Variants in PARP2 observed in about 807,000 individuals in gnomAD.
The protein encoded by PARP2 is poly [ADP-ribose] polymerase 2.
A neutral mutation model predicts 77.8 loss-of-function variants in PARP2; 57 were observed. That is an observed-to-expected ratio of 0.73 (90% CI 0.59 to 0.91). PARP2 has a LOEUF of 0.91. PARP2 is among the 40% of genes least tolerant of loss of function. The pLI is 0.00. For synonymous variants in PARP2, 226 were observed against 242.6 expected, an observed-to-expected ratio of 0.93 and a Z score of 0.64; for missense variants, 651 against 689.0, an observed-to-expected ratio of 0.94 and a Z score of 0.62.
In PARP2 at chr14:20,355,983, C is replaced by A; in HGVS notation, c.1053C>A (p.Asn351Lys). The A allele has an allele frequency of 6.2e-7, 1 of 1,614,040 alleles. No homozygotes were observed. Among genetic ancestry groups the A allele is most frequent in the Non-Finnish European group, 8.5e-7 (1 of 1,179,902 alleles). ...PEHPLDQHYR[N>K]LHCALRPLDH... is the part of the protein sequence containing the mutation. The stretch of plus-strand genomic sequence containing the variant: ...ACCCATTGGACCAACACTATAGAAA[C>A]CTACATTGTGCCTTGCGCCCCCTTG... The change falls in exon 11 of 16, where the codon AAC becomes AAA. Residue 351 changes from asparagine (N) to lysine (K), a missense_variant. Coordinates refer to ENST00000429687, the MANE Select transcript of PARP2 (RefSeq NM_001042618.2).
intron 13 of PARP2, 24 bp from the exon 14 acceptor site, chr14:20,357,027 T>C (rs1372134198): frequency 1.4e-6 from 2 of 1,440,474 alleles, no homozygotes; most frequent in African/African-American, 2.8e-5. Flanking sequence ...GAAGCTGACC[T>C]TGGTATTCAT....
chr14:20,348,794 C>T (rs1056242999), intron 4 of PARP2, among the ~76,000 whole-genome samples: 3 of 151,534 alleles, frequency 2.0e-5, no homozygotes, highest in Non-Finnish European at 4.4e-5. Context: ...CTGAGGCGGG[C>T]GGATCACCTG....
At chr14:20,356,930 G>C (rs1884176048) in intron 13 of PARP2, 121 bp from the exon 14 acceptor site, 1 of 746,542 alleles carries the variant, frequency 1.3e-6, no homozygotes, top group Admixed American at 2.1e-5. Flanking sequence ...GAATTGTGAG[G>C]GGAAATGGAG....
At chr14:20,354,053 T>TAAGA (rs750007829) in intron 7 of PARP2, 32 bp from the exon 8 acceptor site, 1 of 1,557,950 alleles carries the variant, frequency 6.4e-7, no homozygotes, top group South Asian at 1.1e-5. Flanking sequence ...ATTTCTTAGA[T>TAAGA]TGTCTTGTGT....
Position 20,356,321 on chromosome 14 carries a change from C to T in PARP2, c.1116C>T (p.Tyr372=), listed in dbSNP as rs750772298. 8.1e-6 allele frequency: 13 copies of T among 1,613,912 alleles called. No individual in the cohort carries two copies. The South Asian group carries it at 1.4e-4, about 18-fold the overall frequency. ...ATTTTTCACAGGTGATTTCCCAGTA[C>T]CTACAATCTACCCATGCTCCCACAC... The part of the protein sequence containing the change: ...ESYEFKVISQ[Y]LQSTHAPTHS... The change falls in exon 12 of 16, where the codon TAC becomes TAT. Residue 372 remains tyrosine, a synonymous_variant. Transcript: ENST00000429687.
At chr14:20,345,190 A>ACG in intron 2 of PARP2, 103 bp downstream of exon 2, 3 of 1,333,842 alleles carry the variant, frequency 2.2e-6, no homozygotes, top group Non-Finnish European at 3.2e-6. Flanking sequence ...TCTTTCAGGG[A>ACG]ATAATTAATT....
rs1216882570 is a variant in PARP2, at chr14:20,357,644, GAGT to G, written c.1562_1564del (p.Ser521del). ...CTTTTTTTCCATTTGGCAGGAATGG[GAGT>G]ACAGTGCCATTAGGACCAGCAAGTG... is the stretch of plus-strand genomic sequence containing the variant. On this transcript the variant is annotated inframe_deletion, in exon 16 of 16. Transcript: ENST00000429687. 6.2e-7 allele frequency: 1 copy of G among 1,611,984 alleles called. No homozygotes were observed. Among genetic ancestry groups the G allele is most frequent in the Admixed American group, 1.7e-5 (1 of 59,240 alleles).
intron 3 of PARP2, 31 bp downstream of exon 3, chr14:20,345,495 A>G (rs761017653): frequency 9.8e-6 from 15 of 1,531,058 alleles, no homozygotes; most frequent in East Asian, 2.2e-5. Flanking sequence ...TCTTCAGTCC[A>G]TGGATATCTC....
In PARP2 at chr14:20,357,900, G is replaced by T. The variant is rs562971051; in HGVS notation, c.*103G>T. The T allele has an allele frequency of 4.0e-6, 4 of 992,708 alleles. No homozygotes were observed. In the East Asian group the frequency reaches 1.0e-4, roughly 25 times the overall value. 61.5% of individuals were successfully genotyped at this position (992,708 alleles called of 1,614,324 possible). A position where few individuals can be genotyped will look rare whatever the true frequency, so the allele number is the denominator to read the frequency against. ...ATTTTATGTAATAAAAACTGTACAG[G>T]TCTACCACTGGCTTCTTCGGGCTTT... On this transcript the variant is annotated 3_prime_UTR_variant, in exon 16 of 16. Coordinates refer to ENST00000429687, the MANE Select transcript of PARP2 (RefSeq NM_001042618.2).
At chr14:20,347,119 C>T (rs1883755616) in intron 4 of PARP2, among the ~76,000 whole-genome samples, 1 of 150,124 alleles carries the variant, frequency 6.7e-6, no homozygotes, top group African/African-American at 2.5e-5. Flanking sequence ...ACCTCTGCCT[C>T]CCAGGTTCAA....
intron 4 of PARP2, among the ~76,000 whole-genome samples, chr14:20,347,702 C>T (rs888419606): frequency 5.9e-5 from 9 of 151,544 alleles, no homozygotes; most frequent in Non-Finnish European, 1.2e-4. Context: ...TGAGCCACTG[C>T]GCCCGGCAAG....
intron 1 of PARP2, chr14:20,344,369 A>G (rs1395299744): frequency 6.5e-6 from 1 of 153,422 alleles, no homozygotes; most frequent in Non-Finnish European, 1.5e-5. Context: ...TAAAACAGAT[A>G]AGCAGGCCTC....
At chr14:20,355,528 A>G (rs1472637837) in intron 9 of PARP2, 1 of 347,674 alleles carries the variant, frequency 2.9e-6, no homozygotes, top group Non-Finnish European at 5.1e-6. Flanking sequence ...CTCTAGTCTC[A>G]AAAGTCAAAA....
At chr14:20,344,540 G>A (rs987538329) in intron 1 of PARP2, among the ~76,000 whole-genome samples, 1 of 152,170 alleles carries the variant, frequency 6.6e-6, no homozygotes, top group African/African-American at 2.4e-5. Context: ...TTAAACCGGC[G>A]GGGTGAGGTG....
chr14:20,356,326 A>C lies in PARP2; in HGVS notation c.1121A>C (p.Gln374Pro). Residue 374 changes from glutamine (Q) to proline (P), a missense_variant, in exon 12 of 16, where the codon CAA (glutamine) becomes CCA (proline). Physicochemically the swap from Gln to Pro is moderately conservative, Grantham distance 76. Transcript: ENST00000429687. ...YEFKVISQYL[Q>P]STHAPTHSDY... ...TCACAGGTGATTTCCCAGTACCTACAATCTACCCATGCTCCCACACACAGC... is the reference window on the plus strand; with the variant it reads ...TCACAGGTGATTTCCCAGTACCTACCATCTACCCATGCTCCCACACACAGC... 6.2e-7 allele frequency: 1 copy of C among 1,614,100 alleles called. No homozygotes were observed.
At chr14:20,343,891 A>G (rs1321631557) in intron 1 of PARP2, among the ~76,000 whole-genome samples, 1 of 152,220 alleles carries the variant, frequency 6.6e-6, no homozygotes, top group Non-Finnish European at 1.5e-5. Context: ...GCGGAGCTGT[A>G]ACAACTAATG....
At position 20,352,191 on chromosome 14, in the gene PARP2, A is replaced by G. The variant is rs965925032; in HGVS notation, c.498-54A>G. Reference sequence around the variant, plus strand: ...TGGAGATTTTCTGTCTTGTAAGTCCATCTTCATAGTAGACCTTTATTTGTA... The same window carrying G: ...TGGAGATTTTCTGTCTTGTAAGTCCGTCTTCATAGTAGACCTTTATTTGTA... On this transcript the variant is annotated intron_variant, in intron 6 of 15. Transcript: ENST00000429687. 6.4e-6 allele frequency: 6 copies of G among 931,446 alleles called. No homozygotes were observed. In the African/African-American group the frequency reaches 9.9e-5, roughly 15 times the overall value. 57.7% of individuals were successfully genotyped at this position (931,446 alleles called of 1,614,324 possible).
intron 1 of PARP2, 41 bp from the exon 2 acceptor site, chr14:20,344,891 C>A: frequency 8.7e-7 from 1 of 1,155,018 alleles, no homozygotes. Flanking sequence ...TACACGTATT[C>A]GGGTGTGTAC....
At chr14:20,357,180 T>C (rs1031474626) in intron 14 of PARP2, 31 bp downstream of exon 14, 3 of 1,492,776 alleles carry the variant, frequency 2.0e-6, no homozygotes, top group Admixed American at 3.3e-5. Flanking sequence ...TGATCTCTAG[T>C]TTATTAATTC....
Sources: allele counts gnomAD v4.1 joint callset (sites outside exome capture counted in the v4.1 genomes callset), GRCh38; gene constraint gnomAD v4.1.1; transcripts MANE v1.5; gene names NCBI Gene and HGNC (gene_info 2026-07-23, HGNC 2026-07-21).